Variants in VMA12 observed in about 807,000 individuals in gnomAD.
VMA12 encodes the protein vacuolar ATPase assembly factor VMA12.
chr17:28,357,941 G>A, the VMA12 span: 1 of 1,574,354 alleles, frequency 6.4e-7, no homozygotes, highest in South Asian at 1.1e-5. Flanking sequence ...TCCCTCCTGA[G>A]GTCTTTTCCC....
the VMA12 span, chr17:28,361,381 AGCT>A: frequency 3.8e-6 from 3 of 782,872 alleles, no homozygotes; most frequent in Middle Eastern, 2.6e-4. Context: ...AGCCCAGGCC[AGCT>A]GCTGTTTCTG....
At chr17:28,359,743 A>T in the VMA12 span, 4 of 175,038 alleles carry the variant, frequency 2.3e-5, no homozygotes, top group Non-Finnish European at 3.7e-5. Flanking sequence ...CGTCTTTACA[A>T]AAAATACAAA....
chr17:28,361,331 A>G, the VMA12 span: 2 of 1,419,310 alleles, frequency 1.4e-6, no homozygotes, highest in Non-Finnish European at 2.0e-6. Flanking sequence ...CAGTCAACCC[A>G]TCAGACTTTT....
chr17:28,359,158 C>CAA, the VMA12 span: 1,107 of 721,644 alleles, frequency 1.5e-3, no homozygotes, highest in South Asian at 2.1e-3. Flanking sequence ...AAATTGAGAT[C>CAA]AAAAAAAAAA....
At chr17:28,358,799 T>C in the VMA12 span, 1 of 760,342 alleles carries the variant, frequency 1.3e-6, no homozygotes, top group Non-Finnish European at 2.2e-6. Flanking sequence ...TGGAAATGGA[T>C]TAATGTAGAG....
chr17:28,360,553 A>G, the VMA12 span: 4 of 1,614,076 alleles, frequency 2.5e-6, no homozygotes, highest in East Asian at 8.9e-5. Context: ...TGGGACTCTC[A>G]GCGACCTGGG....
chr17:28,363,048 T>C, the VMA12 span: 3 of 152,236 alleles, frequency 2.0e-5, no homozygotes, highest in South Asian at 6.2e-4. Context: ...GTTTTTACGA[T>C]GTGTTACACA....
chr17:28,360,334 G>A, the VMA12 span: 2 of 554,376 alleles, frequency 3.6e-6, no homozygotes, highest in Non-Finnish European at 6.5e-6. Context: ...GAGTAGATGG[G>A]TACTGGCAGC....
the VMA12 span, chr17:28,358,878 TC>T: frequency 6.4e-7 from 1 of 1,564,498 alleles, no homozygotes; most frequent in East Asian, 2.2e-5. Context: ...CAACCTCAGC[TC>T]GTGGATCATT....
At chr17:28,360,501 T>C in the VMA12 span, 1 of 1,612,756 alleles carries the variant, frequency 6.2e-7, no homozygotes, top group Non-Finnish European at 8.5e-7. Flanking sequence ...GCTTCTATTC[T>C]GAATCATCTT....
At chr17:28,360,971 G>A in the VMA12 span, 1 of 927,970 alleles carries the variant, frequency 1.1e-6, no homozygotes, top group Admixed American at 2.2e-5. Flanking sequence ...TTAATAAGGG[G>A]AGCATTAGAG....
chr17:28,358,160 A>G, the VMA12 span: 14 of 501,352 alleles, frequency 2.8e-5, no homozygotes, highest in African/African-American at 2.3e-4. Flanking sequence ...GTTTTTACCA[A>G]ATACAAATAT....
At chr17:28,360,783 C>T in the VMA12 span, 3 of 1,614,022 alleles carry the variant, frequency 1.9e-6, no homozygotes, top group Non-Finnish European at 2.5e-6. Flanking sequence ...TTCATTGTCA[C>T]GGTGGTTGCT....
At chr17:28,358,949 G>T in the VMA12 span, 6 of 1,612,426 alleles carry the variant, frequency 3.7e-6, no homozygotes, top group Non-Finnish European at 5.1e-6. Context: ...CTCCTAGAAG[G>T]CAGTGAAATC....
At chr17:28,361,446 G>C in the VMA12 span, 2 of 586,422 alleles carry the variant, frequency 3.4e-6, no homozygotes, top group Non-Finnish European at 6.1e-6. Context: ...GGAGGAGATT[G>C]AGATAACACA....
At chr17:28,357,672 T>C in the VMA12 span, 4 of 1,612,102 alleles carry the variant, frequency 2.5e-6, no homozygotes, top group Non-Finnish European at 3.4e-6. Context: ...CGGCTAGATA[T>C]GGCGTCCTCT....
the VMA12 span, chr17:28,360,875 G>C: frequency 1.9e-6 from 3 of 1,597,256 alleles, no homozygotes; most frequent in Non-Finnish European, 2.6e-6. Flanking sequence ...AGGGCAGGGT[G>C]CCCCTGGTGG....
At chr17:28,361,485 T>C in the VMA12 span, 1 of 516,520 alleles carries the variant, frequency 1.9e-6, no homozygotes, top group Non-Finnish European at 3.5e-6. Flanking sequence ...CTGGTCTTGG[T>C]CTATCAGTAC....
the VMA12 span, chr17:28,357,764 G>A: frequency 5.0e-6 from 8 of 1,613,418 alleles, no homozygotes; most frequent in South Asian, 5.5e-5. Context: ...AAAGCTGCGG[G>A]CCGAGCTTGA....
Sources: allele counts gnomAD v4.1 joint callset, GRCh38; gene constraint gnomAD v4.1.1; transcripts MANE v1.5; gene names NCBI Gene and HGNC (gene_info 2026-07-23, HGNC 2026-07-21).